Variants in RIF1 observed in about 807,000 individuals in gnomAD.
RIF1 encodes the protein telomere-associated protein RIF1.
In RIF1, 45 loss-of-function variants were observed where a neutral mutation model predicts 247.1. That is an observed-to-expected ratio of 0.18 (90% CI 0.14 to 0.23). The LOEUF (loss-of-function observed/expected upper bound fraction) is 0.23, where lower values mean the gene tolerates loss of function less well. RIF1 is among the 10% of genes least tolerant of loss of function. The pLI is 1.00. For missense variants in RIF1, 2,967 were observed against 2,862.5 expected, an observed-to-expected ratio of 1.04 and a Z score of -0.83; for synonymous variants, 1,087 against 978.8, an observed-to-expected ratio of 1.11 and a Z score of -2.06.
chr2:151,445,262 ATAAAT>A, intron 18 of RIF1, 71 bp from the exon 19 acceptor site: 1 of 884,528 alleles, frequency 1.1e-6, no homozygotes, highest in Non-Finnish European at 1.9e-6. Flanking sequence ...CCCACTACTT[ATAAAT>A]AAGTTATGTT....
chr2:151,493,668 T>G (rs2058247486), intron 9 of RIF1: 1 of 956,534 alleles, frequency 1.0e-6, no homozygotes, highest in Non-Finnish European at 1.5e-6. Context: ...GAAGAATTTT[T>G]AAAGATACAC....
Position 151,445,454 on chromosome 2 carries a change from T to C in RIF1, c.2094+9T>C. 1 of 1,254,806 alleles carries C rather than the reference T, an allele frequency of 8.0e-7. No homozygotes were observed. 77.7% of individuals were successfully genotyped at this position (1,254,806 alleles called of 1,614,324 possible). ...AACAGAGATTTCCAGTGGTAAGGCA[T>C]TGTCAAGTATTGATTTCCGAGGGAT... is the stretch of plus-strand genomic sequence containing the variant. On this transcript the variant is annotated intron_variant, in intron 19 of 35. Transcript: ENST00000444746.
At chr2:151,489,157 A>G (rs1285505797) in intron 9 of RIF1, among the ~76,000 whole-genome samples, 1 of 152,204 alleles carries the variant, frequency 6.6e-6, no homozygotes. Context: ...TAGGTCTAAC[A>G]CTTATTTAGA....
intron 9 of RIF1, chr2:151,491,932 A>G: frequency 1.0e-6 from 1 of 969,596 alleles, no homozygotes; most frequent in Non-Finnish European, 1.5e-6. Context: ...AACAAAGATA[A>G]GGTAGAAATC....
At chr2:151,436,495 T>C (rs1691230075) in intron 11 of RIF1, among the ~76,000 whole-genome samples, 1 of 150,142 alleles carries the variant, frequency 6.7e-6, no homozygotes, top group Non-Finnish European at 1.5e-5. Flanking sequence ...GAACTATGAT[T>C]GTACCACTGC....
chr2:151,419,764 T>C (rs1687859509), intron 6 of RIF1, among the ~76,000 whole-genome samples: 1 of 152,230 alleles, frequency 6.6e-6, no homozygotes, highest in East Asian at 1.9e-4. Flanking sequence ...ACTGCAGTGT[T>C]ACAACAGCTA....
chr2:151,424,825 ATTT>A (rs71000475), intron 8 of RIF1, among the ~76,000 whole-genome samples: 8,361 of 46,602 alleles, frequency 0.18, 356 homozygotes, highest in Non-Finnish European at 0.24. Context: ...AGCCCGGCTG[ATTT>A]TTTTTTTTTT....
intron 9 of RIF1, chr2:151,490,001 A>G (rs1247299770): frequency 6.2e-7 from 1 of 1,611,456 alleles, no homozygotes; most frequent in Non-Finnish European, 8.5e-7. Context: ...ATGGGATGGA[A>G]GATACCGTTG....
At chr2:151,435,339 A>C (rs903189407) in intron 10 of RIF1, 124 bp from the exon 11 acceptor site, 5 of 647,544 alleles carry the variant, frequency 7.7e-6, no homozygotes, top group African/African-American at 7.2e-5. Context: ...CTGTTTGTGC[A>C]TGGAAACGAT....
intron 24 of RIF1, 82 bp from the exon 25 acceptor site, chr2:151,458,729 T>G: frequency 1.7e-6 from 1 of 600,640 alleles, no homozygotes; most frequent in Non-Finnish European, 2.8e-6. Context: ...GCTCTAAAAA[T>G]TAAAGTGCTG....
At chr2:151,434,918 TTATAAA>T (rs767825820) in intron 10 of RIF1, among the ~76,000 whole-genome samples, 6 of 152,334 alleles carry the variant, frequency 3.9e-5, no homozygotes, top group South Asian at 2.1e-4. Context: ...ACAGGAGGAC[TTATAAA>T]TATACTTAAG....
chr2:151,510,922 C>T (rs1175203905), downstream of RIF1, among the ~76,000 whole-genome samples: 3 of 152,152 alleles, frequency 2.0e-5, no homozygotes, highest in South Asian at 2.1e-4. Context: ...CATTGGAAAT[C>T]GAGAAGCAAG....
At chr2:151,512,124 G>A (rs945219187), downstream of RIF1, among the ~76,000 whole-genome samples, 5 of 146,556 alleles carry the variant, frequency 3.4e-5, no homozygotes, top group Non-Finnish European at 7.4e-5. Flanking sequence ...TCTGCCTCCC[G>A]GGTTCACGCC....
Position 151,469,735 on chromosome 2 carries a change from T to A in RIF1, c.6966T>A (p.Ile2322=). 1 of 1,599,118 alleles carries A rather than the reference T, an allele frequency of 6.3e-7. No homozygotes were observed. The change falls in exon 34 of 36, where the codon ATT becomes ATA. Residue 2322 remains isoleucine (I), a synonymous_variant. Transcript: ENST00000444746. ...GGGCAAGAGGCCTGGGACAACTCAT[T>A]AGAGCTAAGAATATAAAAACTATTG... is the stretch of plus-strand genomic sequence containing the variant. The part of the protein sequence containing the change: ...NMWARGLGQL[I]RAKNIKTIGD...
intron 9 of RIF1, chr2:151,490,356 C>A: frequency 6.3e-7 from 1 of 1,583,126 alleles, no homozygotes; most frequent in Non-Finnish European, 8.6e-7. Flanking sequence ...CCAAAATCAG[C>A]GCCAGGCACT....
At chr2:151,412,575 C>G (rs893459735) in intron 3 of RIF1, among the ~76,000 whole-genome samples, 1 of 152,072 alleles carries the variant, frequency 6.6e-6, no homozygotes, top group Admixed American at 6.6e-5. Flanking sequence ...GCAACCTCTG[C>G]CTCCCAGGTT....
Position 151,411,315 on chromosome 2 carries a change from C to G in RIF1, c.160C>G (p.Pro54Ala), listed in dbSNP as rs147741381. Reference sequence around the variant, plus strand: ...AATTACAGAAATTGAGAAAAAACTTCCTCGGCTGTACAAAGTTTTAAAGGT... The same window carrying G: ...AATTACAGAAATTGAGAAAAAACTTGCTCGGCTGTACAAAGTTTTAAAGGT... ...EVITEIEKKL[P>A]RLYKVLKTHI... Residue 54 changes from proline to alanine, a missense_variant, in exon 3 of 36, where the codon CCT becomes GCT. Pro to Ala is a conservative substitution (Grantham distance 27). This residue lies in a region of RIF1 where 269 missense variants were observed against 288.6 expected (regional missense o/e 0.93). Coordinates refer to ENST00000444746, the MANE Select transcript of RIF1 (RefSeq NM_018151.5). 6 of 1,598,918 alleles carry G rather than the reference C, an allele frequency of 3.8e-6. No individual in the cohort carries two copies. The African/African-American group carries it at 8.1e-5, about 22-fold the overall frequency.
At position 151,498,287 on chromosome 2, in the gene RIF1, G is replaced by GACTC. The variant is rs2061721973; in HGVS notation, c.*514-1057_*514-1054dup. On this transcript the variant is annotated intron_variant and NMD_transcript_variant, in intron 10 of 13. Coordinates refer to the RIF1 transcript ENST00000454583. ...AGCTAAGGTTTTCTTGATTGTGTTT[G>GACTC]ACTCTCTGCATCTCAGGAGTGATGG... The GACTC allele has an allele frequency of 1.9e-6, 3 of 1,551,508 alleles. No individual in the cohort carries two copies. The highest frequency in any genetic ancestry group is 2.6e-6 in the Non-Finnish European group (3 of 1,146,864).
Position 151,440,021 on chromosome 2 carries a change from T to C in RIF1, c.1547-6T>C. ...GAACTATACCCTTCTTTTTGCTTTT[T>C]GATAGGTAACAAAAAAGAGAAACCA... On this transcript the variant is annotated splice_region_variant and splice_polypyrimidine_tract_variant and intron_variant, in intron 14 of 35. Coordinates refer to ENST00000444746, the MANE Select transcript of RIF1 (RefSeq NM_018151.5). The C allele has an allele frequency of 1.4e-6, 2 of 1,403,510 alleles. No individual in the cohort carries two copies. The highest frequency in any genetic ancestry group is 2.0e-6 in the Non-Finnish European group (2 of 1,007,792). 86.9% of individuals were successfully genotyped at this position (1,403,510 alleles called of 1,614,324 possible).
Sources: gnomAD v4.1 joint callset for allele counts (sites outside exome capture counted in the v4.1 genomes callset) on GRCh38, gnomAD v4.1.1 for gene constraint, gnomAD v4.1.1 regional missense constraint, MANE v1.5 for transcripts, NCBI Gene and HGNC (gene_info 2026-07-23, HGNC 2026-07-21) for gene names.